The following MACROD2 variants were observed in gnomAD, a reference collection of about 807,000 sequenced individuals.
MACROD2 encodes the protein ADP-ribose glycohydrolase MACROD2.
A neutral mutation model predicts 70.4 loss-of-function variants in MACROD2; 36 were observed. The ratio of observed to expected loss-of-function variants is 0.51; its 90% CI spans 0.39 to 0.68. The LOEUF (loss-of-function observed/expected upper bound fraction) is 0.68. Ranked by LOEUF, MACROD2 falls within the 30% of genes least tolerant of loss-of-function variation. The pLI is 0.00. For missense variants in MACROD2, 496 were observed against 538.4 expected (o/e 0.92, Z 0.78); for synonymous variants, 172 against 178.8 (o/e 0.96, Z 0.30).
chr20:15,488,503 A>T (rs1163406209), intron 7 of MACROD2, among the ~76,000 whole-genome samples: 1 of 152,200 alleles, frequency 6.6e-6, no homozygotes, highest in East Asian at 1.9e-4. Flanking sequence ...ACATCATTTC[A>T]GGTAGTGATA....
chr20:14,804,518 A>G (rs1420841646), intron 5 of MACROD2, among the ~76,000 whole-genome samples: 4 of 152,042 alleles, frequency 2.6e-5, no homozygotes, highest in Non-Finnish European at 1.5e-5. Context: ...ATGTCCAACA[A>G]CATAGGTCCA....
chr20:14,675,775 C>T (rs2070853008), intron 4 of MACROD2, among the ~76,000 whole-genome samples: 1 of 152,030 alleles, frequency 6.6e-6, no homozygotes, highest in Non-Finnish European at 1.5e-5. Flanking sequence ...AGAGTCAAGA[C>T]CCTTTGGTGT....
chr20:14,004,853 A>G (rs1250612654), intron 2 of MACROD2, among the ~76,000 whole-genome samples: 1 of 152,152 alleles, frequency 6.6e-6, no homozygotes, highest in Non-Finnish European at 1.5e-5. Context: ...TAGGAAATGA[A>G]CAATATTTAT....
chr20:14,195,946 G>A (rs956573846), intron 3 of MACROD2, among the ~76,000 whole-genome samples: 2 of 152,154 alleles, frequency 1.3e-5, no homozygotes, highest in African/African-American at 4.8e-5. Context: ...TAAGGCAGGG[G>A]TCTAATTGAG....
intron 8 of MACROD2, among the ~76,000 whole-genome samples, chr20:15,538,197 C>T (rs927557353): frequency 6.6e-6 from 1 of 152,128 alleles, no homozygotes; most frequent in African/African-American, 2.4e-5. Flanking sequence ...ATTTTATCAT[C>T]CATTCACCCA....
At chr20:14,752,351 A>G (rs1046746551) in intron 5 of MACROD2, among the ~76,000 whole-genome samples, 1 of 151,746 alleles carries the variant, frequency 6.6e-6, no homozygotes, top group Non-Finnish European at 1.5e-5. Context: ...AGCTCAGTGA[A>G]TCCTACTACA....
intron 5 of MACROD2, among the ~76,000 whole-genome samples, chr20:14,921,957 T>G (rs891857892): frequency 2.0e-5 from 3 of 152,198 alleles, no homozygotes; most frequent in Non-Finnish European, 4.4e-5. Context: ...TGCATCAGAT[T>G]CTCTAACCAA....
chr20:15,432,839 G>C (rs1305357318), intron 7 of MACROD2, among the ~76,000 whole-genome samples: 1 of 151,962 alleles, frequency 6.6e-6, no homozygotes, highest in Non-Finnish European at 1.5e-5. Flanking sequence ...TGTGTTAAGA[G>C]CTTCAAAAAG....
At chr20:15,878,224 A>C (rs1388445339) in intron 9 of MACROD2, among the ~76,000 whole-genome samples, 1 of 152,106 alleles carries the variant, frequency 6.6e-6, no homozygotes, top group Non-Finnish European at 1.5e-5. Context: ...AAACCCAGCA[A>C]CCATGTGGCT....
At position 14,684,824 on chromosome 20, in the gene MACROD2, T is replaced by C. The variant is rs1187152275; in HGVS notation, c.302-19T>C. 6.2e-7 allele frequency: 1 copy of C among 1,600,934 alleles called. No individual in the cohort carries two copies. The highest frequency in any genetic ancestry group is 1.3e-5 in the African/African-American group (1 of 74,730). ...TTCCAAATGCCAAATATAAGCTAACTTTCTTCTTTCTCCCTTAGTGGATGG... is the reference window on the plus strand; with the variant it reads ...TTCCAAATGCCAAATATAAGCTAACCTTCTTCTTTCTCCCTTAGTGGATGG... On this transcript the variant is annotated intron_variant, in intron 4 of 17. Coordinates refer to ENST00000684519, the MANE Select transcript of MACROD2 (RefSeq NM_001351661.2).
intron 15 of MACROD2, among the ~76,000 whole-genome samples, chr20:16,019,220 C>T (rs1019640995): frequency 6.6e-6 from 1 of 152,094 alleles, no homozygotes; most frequent in African/African-American, 2.4e-5. Context: ...AAAGAACAAA[C>T]CAACTTAGAA....
chr20:14,243,559 C>A (rs537068428), intron 3 of MACROD2, among the ~76,000 whole-genome samples: 1 of 152,046 alleles, frequency 6.6e-6, no homozygotes, highest in African/African-American at 2.4e-5. Flanking sequence ...ATTGCCTGTA[C>A]GGAAAACACA....
intron 6 of MACROD2, among the ~76,000 whole-genome samples, chr20:15,331,262 G>T (rs928452329): frequency 2.6e-5 from 4 of 151,496 alleles, no homozygotes; most frequent in African/African-American, 9.8e-5. Context: ...GTAATATAAA[G>T]AATTCTTTTT....
chr20:15,870,066 ACT>A (rs2064558355), intron 9 of MACROD2, among the ~76,000 whole-genome samples: 1 of 152,052 alleles, frequency 6.6e-6, no homozygotes, highest in African/African-American at 2.4e-5. Flanking sequence ...AAATCAAGAA[ACT>A]TCTCAACCAC....
At chr20:15,723,745 TA>T (rs1478061424) in intron 8 of MACROD2, among the ~76,000 whole-genome samples, 1 of 152,220 alleles carries the variant, frequency 6.6e-6, no homozygotes, top group Non-Finnish European at 1.5e-5. Flanking sequence ...AAAACTGCTA[TA>T]AACCTCTTTG....
chr20:15,479,856 A>G (rs571074397), intron 7 of MACROD2, among the ~76,000 whole-genome samples: 12 of 152,362 alleles, frequency 7.9e-5, no homozygotes, highest in African/African-American at 2.6e-4. Context: ...ATTAATTGAC[A>G]CCCACCGACT....
intron 6 of MACROD2, among the ~76,000 whole-genome samples, chr20:15,289,257 T>C (rs1463210119): frequency 2.0e-5 from 3 of 152,244 alleles, no homozygotes; most frequent in Non-Finnish European, 4.4e-5. Context: ...TTTTAAAAAT[T>C]ATTTAAAATG....
rs991167980 is a variant in MACROD2 at position 15,124,934 on chromosome 20, G to A, written c.419-105006G>A. ...AAAAAACACAAGTTCATTATATTTC[G>A]TTATTCATCCTAATTTTCAAGTAGA... is the stretch of plus-strand genomic sequence containing the variant. On this transcript the variant is annotated intron_variant, in intron 5 of 17. Transcript: ENST00000684519. Among the ~76,000 whole-genome samples the A allele has an allele frequency of 3.3e-4, 50 of 151,848 alleles. 1 individual carries two copies. The highest frequency in any genetic ancestry group is 9.7e-4 in the African/African-American group (40 of 41,380).
At chr20:14,231,367 C>G (rs1317332249) in intron 3 of MACROD2, among the ~76,000 whole-genome samples, 1 of 152,056 alleles carries the variant, frequency 6.6e-6, no homozygotes, top group Non-Finnish European at 1.5e-5. Flanking sequence ...CAATTCCCAC[C>G]TATGAGTGAG....
Sources: allele counts gnomAD v4.1 joint callset (sites outside exome capture counted in the v4.1 genomes callset), GRCh38; gene constraint gnomAD v4.1.1; transcripts MANE v1.5; gene names NCBI Gene and HGNC (gene_info 2026-07-23, HGNC 2026-07-21).